CAMTA1: variants seen among roughly 807,000 people sequenced by gnomAD.
CAMTA1 encodes the protein calmodulin-binding transcription activator 1.
CAMTA1 carries 27 observed loss-of-function variants against 170.9 expected under a neutral mutation model. That is an observed-to-expected ratio of 0.16 (90% CI 0.12 to 0.22). The LOEUF is 0.22. Among genes scored for constraint, CAMTA1 ranks in the 10% least tolerant of loss-of-function variants. The probability of loss-of-function intolerance (pLI) is 1.00; values close to 1 mark genes in which losing one functional copy is unlikely to be tolerated. For missense variants in CAMTA1, 1,619 were observed against 2,217.2 expected (o/e 0.73, Z 5.42); for synonymous variants, 833 against 891.5 (o/e 0.93, Z 1.17).
At chr1:7,495,383 C>A (rs11120949) in intron 6 of CAMTA1, among the ~76,000 whole-genome samples, 1 of 152,128 alleles carries the variant, frequency 6.6e-6, no homozygotes, top group East Asian at 1.9e-4. Context: ...TGTGGGTGAG[C>A]GTAGGGAGAG....
intron 5 of CAMTA1, among the ~76,000 whole-genome samples, chr1:7,355,602 G>A (rs1021699631): frequency 6.6e-6 from 1 of 152,142 alleles, no homozygotes; most frequent in South Asian, 2.1e-4. Flanking sequence ...CAAGTCTTCC[G>A]CAATCCATTC....
chr1:7,049,631 AT>A (rs929757714), intron 3 of CAMTA1, among the ~76,000 whole-genome samples: 3 of 151,858 alleles, frequency 2.0e-5, no homozygotes, highest in African/African-American at 7.3e-5. Context: ...TAATTTTTGT[AT>A]TTTTACTAGA....
At position 7,010,764 on chromosome 1, in the gene CAMTA1, G is replaced by C. The variant is rs1001991224; in HGVS notation, c.235-80540G>C. Among the ~76,000 whole-genome samples the C allele has an allele frequency of 6.6e-6, 1 of 152,158 alleles. No homozygotes were observed. The highest frequency in any genetic ancestry group is 1.5e-5 in the Non-Finnish European group (1 of 68,034). ...CTTCCTTTGTGCCCGTTTCTGAGTA[G>C]TAAGATTTCTTACTAACAGTTTCTT... On this transcript the variant is annotated intron_variant, in intron 3 of 22. Coordinates refer to ENST00000303635, the MANE Select transcript of CAMTA1 (RefSeq NM_015215.4). This position sits in a 1 kb window ranked among gnomAD's most constrained non-coding sequence, Gnocchi z 4.4.
intron 4 of CAMTA1, among the ~76,000 whole-genome samples, chr1:7,153,207 G>A (rs1161513348): frequency 2.0e-5 from 3 of 152,124 alleles, no homozygotes; most frequent in Non-Finnish European, 2.9e-5. Context: ...GACCTTTAAT[G>A]GAAAGATTTG....
intron 6 of CAMTA1, among the ~76,000 whole-genome samples, chr1:7,607,885 T>A (rs1292427251): frequency 5.9e-5 from 9 of 152,172 alleles, no homozygotes; most frequent in Admixed American, 5.9e-4. Flanking sequence ...TGACCCCAGT[T>A]GGCTTTTGTT....
intron 5 of CAMTA1, among the ~76,000 whole-genome samples, chr1:7,317,907 A>G (rs1677775085): frequency 6.6e-6 from 1 of 152,258 alleles, no homozygotes; most frequent in African/African-American, 2.4e-5. Context: ...TGCCTAGGGC[A>G]CATTTCTTGA....
rs201419264 is a variant in CAMTA1 at position 7,164,316 on chromosome 1, G to A, written c.302+72945G>A. ...TGAGGCAGACAGACTGAATTGGGTCGTTGAAGGAGTTTGCCAGTTTGTGGT... is the reference window on the plus strand; with the variant it reads ...TGAGGCAGACAGACTGAATTGGGTCATTGAAGGAGTTTGCCAGTTTGTGGT... On this transcript the variant is annotated intron_variant, in intron 4 of 22. Transcript: ENST00000303635. Among the ~76,000 whole-genome samples, 39 of 152,338 alleles carry A rather than the reference G, an allele frequency of 2.6e-4. No individual in the cohort carries two copies. The East Asian group carries it at 5.4e-3, about 21-fold the overall frequency.
chr1:7,042,199 G>A (rs1341011356), intron 3 of CAMTA1, among the ~76,000 whole-genome samples: 1 of 152,164 alleles, frequency 6.6e-6, no homozygotes, highest in Non-Finnish European at 1.5e-5. Flanking sequence ...CATGGCCCCT[G>A]GGATTTTATC....
intron 6 of CAMTA1, among the ~76,000 whole-genome samples, chr1:7,499,707 A>AGTGT (rs143198883): frequency 1.9e-5 from 2 of 105,092 alleles, no homozygotes; most frequent in Non-Finnish European, 4.0e-5. Context: ...TATGTATATG[A>AGTGT]GTGTGTGTGT....
intron 3 of CAMTA1, among the ~76,000 whole-genome samples, chr1:7,084,449 T>G (rs1443273649): frequency 2.0e-5 from 3 of 150,844 alleles, no homozygotes; most frequent in Non-Finnish European, 4.4e-5. Flanking sequence ...GGGGAGGGAG[T>G]GGGGGCAGCA....
intron 5 of CAMTA1, among the ~76,000 whole-genome samples, chr1:7,450,560 C>T (rs1415668194): frequency 1.3e-5 from 2 of 152,198 alleles, no homozygotes; most frequent in African/African-American, 4.8e-5. Context: ...ACCACAGGTG[C>T]CCGGGGCTGC....
chr1:7,384,840 GA>G (rs1371957423), intron 5 of CAMTA1, among the ~76,000 whole-genome samples: 2 of 152,042 alleles, frequency 1.3e-5, no homozygotes, highest in African/African-American at 2.4e-5. Context: ...AGACTCCGGG[GA>G]CATGTCCAAC....
intron 22 of CAMTA1, among the ~76,000 whole-genome samples, chr1:7,765,711 G>T (rs1383038037): frequency 6.6e-6 from 1 of 152,204 alleles, no homozygotes; most frequent in Non-Finnish European, 1.5e-5. Context: ...CAAAGCAGTA[G>T]TAGCTTAATC....
chr1:6,981,510 G>T (rs1038224374), intron 3 of CAMTA1, among the ~76,000 whole-genome samples: 1 of 152,108 alleles, frequency 6.6e-6, no homozygotes. Context: ...ATGGCTCACC[G>T]CAGCCTTAAC....
intron 3 of CAMTA1, among the ~76,000 whole-genome samples, chr1:6,851,999 GA>G (rs948921119): frequency 8.3e-4 from 119 of 143,482 alleles, no homozygotes; most frequent in African/African-American, 2.8e-3. Context: ...AGGTGAGAGT[GA>G]GACTCTATCT....
At chr1:7,494,007 T>G (rs965266180) in intron 6 of CAMTA1, among the ~76,000 whole-genome samples, 2 of 152,214 alleles carry the variant, frequency 1.3e-5, no homozygotes, top group East Asian at 3.9e-4. Context: ...CGGGGTAATT[T>G]AGGATGGTTG....
intron 4 of CAMTA1, among the ~76,000 whole-genome samples, chr1:7,152,758 C>T (rs570754285): frequency 6.6e-6 from 1 of 152,336 alleles, no homozygotes; most frequent in African/African-American, 2.4e-5. Flanking sequence ...TCGGGGAGAA[C>T]CCCAGAGCCT....
intron 1 of CAMTA1, among the ~76,000 whole-genome samples, chr1:6,819,615 C>CAAGT (rs921075369): frequency 3.9e-5 from 6 of 152,222 alleles, no homozygotes; most frequent in Non-Finnish European, 8.8e-5. Context: ...ACAAATTACA[C>CAAGT]AAGTTATGCA....
intron 5 of CAMTA1, among the ~76,000 whole-genome samples, chr1:7,347,398 C>T (rs572551189): frequency 3.9e-4 from 59 of 152,320 alleles, no homozygotes; most frequent in African/African-American, 1.4e-3. Context: ...TCTGCCGTCA[C>T]ACCAGCCCCA....
Sources: allele counts gnomAD v4.1 joint callset (sites outside exome capture counted in the v4.1 genomes callset), GRCh38; gene constraint gnomAD v4.1.1; non-coding constraint Gnocchi (gnomAD v3.1); transcripts MANE v1.5; gene names NCBI Gene and HGNC (gene_info 2026-07-23, HGNC 2026-07-21).